Variants in DNAH8 observed in about 807,000 individuals in gnomAD.
DNAH8 encodes axonemal beta dynein heavy chain 8.
DNAH8 carries 382 observed loss-of-function variants against 562.1 expected under a neutral mutation model. The ratio of observed to expected loss-of-function variants is 0.68; its 90% CI spans 0.63 to 0.74. The LOEUF (loss-of-function observed/expected upper bound fraction) is 0.74. Ranked by LOEUF, DNAH8 falls within the 30% of genes least tolerant of loss-of-function variation. DNAH8 has a pLI of 0.00. For synonymous variants in DNAH8, 1,881 were observed against 1,919.4 expected, an observed-to-expected ratio of 0.98 and a Z score of 0.52; for missense variants, 5,203 against 5,620.4, an observed-to-expected ratio of 0.93 and a Z score of 2.37.
chr6:38,984,284 C>A lies in DNAH8; in HGVS notation c.13030C>A (p.Arg4344Ser). The A allele has an allele frequency of 1.2e-6, 2 of 1,606,678 alleles. No individual in the cohort carries two copies. The highest frequency in any genetic ancestry group is 1.7e-6 in the Non-Finnish European group (2 of 1,173,284). Reference sequence around the variant, plus strand: ...CAGAGTGACAGATGACTTTGACAAACGTCTACTTAATTGCTTTGCCAGAGT... The same window carrying A: ...CAGAGTGACAGATGACTTTGACAAAAGTCTACTTAATTGCTTTGCCAGAGT... ...GGRVTDDFDK[R>S]LLNCFARVWF... The change falls in exon 87 of 93, where the codon CGT becomes AGT. Residue 4344 changes from arginine (R) to serine (S), a missense_variant. Arg to Ser is a moderately radical substitution (Grantham distance 110, BLOSUM62 -1). This residue lies in a region of DNAH8 where 1,399 missense variants were observed against 1,518.4 expected (regional missense o/e 0.92). Coordinates refer to ENST00000327475, the MANE Select transcript of DNAH8 (RefSeq NM_001206927.2).
intron 78 of DNAH8, 63 bp downstream of exon 78, chr6:38,938,289 T>C: frequency 6.5e-7 from 1 of 1,540,670 alleles, no homozygotes; most frequent in Non-Finnish European, 8.7e-7. Flanking sequence ...TTTCTACTCT[T>C]TTAGAAATTG....
chr6:38,771,436 G>A (rs1767566730), intron 12 of DNAH8, among the ~76,000 whole-genome samples: 1 of 152,086 alleles, frequency 6.6e-6, no homozygotes, highest in Non-Finnish European at 1.5e-5. Context: ...AACTGTACAA[G>A]TCAATGTTTT....
intron 60 of DNAH8, among the ~76,000 whole-genome samples, chr6:38,897,203 A>T (rs1284132785): frequency 6.6e-6 from 1 of 152,210 alleles, no homozygotes; most frequent in Non-Finnish European, 1.5e-5. Flanking sequence ...AAATAAAAAT[A>T]AGCAAAAGAA....
At position 38,722,910 on chromosome 6, in the gene DNAH8, C is replaced by T. The variant is rs751778628; in HGVS notation, c.101C>T (p.Pro34Leu). ...APPRSEEEEA[P>L]RPPTVEAPAE... ...CCCCGTTCAGAAGAGGAAGAGGCCC[C>T]GCGCCCTCCGACAGTGGAGGCCCCG... is the stretch of plus-strand genomic sequence containing the variant. The change falls in exon 2 of 93, where the codon CCG becomes CTG. Residue 34 changes from proline to leucine, a missense_variant. Physicochemically the swap from Pro to Leu is moderately conservative, Grantham distance 98 (BLOSUM62 -3). Around this residue, in one of 6 missense-constraint regions of DNAH8, gnomAD observed 556 missense variants for 496.9 expected, o/e 1.12. Transcript: ENST00000327475. 3 of 1,612,294 alleles carry T rather than the reference C, an allele frequency of 1.9e-6. No individual in the cohort carries two copies. The highest frequency in any genetic ancestry group is 1.7e-6 in the Non-Finnish European group (2 of 1,179,656).
At chr6:38,735,436 G>T (rs2127579492) in intron 5 of DNAH8, among the ~76,000 whole-genome samples, 1 of 152,214 alleles carries the variant, frequency 6.6e-6, no homozygotes, top group Middle Eastern at 3.4e-3. Context: ...ATATTTCATG[G>T]TATTTCTTGT....
At chr6:38,974,265 C>T in intron 84 of DNAH8, 109 bp from the exon 85 acceptor site, 2 of 878,650 alleles carry the variant, frequency 2.3e-6, no homozygotes, top group Non-Finnish European at 3.4e-6. Flanking sequence ...CAAAACACTT[C>T]CAGTCCCAAG....
chr6:39,005,362 C>G (rs866353885), intron 88 of DNAH8, among the ~76,000 whole-genome samples: 1 of 152,140 alleles, frequency 6.6e-6, no homozygotes, highest in Non-Finnish European at 1.5e-5. Context: ...GCAGCGAGCA[C>G]CACTGTACTC....
chr6:38,888,536 A>G (rs762120345), intron 57 of DNAH8, among the ~76,000 whole-genome samples: 1 of 152,112 alleles, frequency 6.6e-6, no homozygotes, highest in Non-Finnish European at 1.5e-5. Flanking sequence ...CCTATAAATC[A>G]GTCAGTCAAG....
Position 38,949,484 on chromosome 6 carries a change from G to T in DNAH8, c.12162G>T (p.Trp4054Cys). ...GTAATGAGAAGGGGTGGAAAAGCTG[G>T]TTTGATAAAGATGCTCCAGAGGAGG... The part of the protein sequence containing the change: ...ISRNEKGWKS[W>C]FDKDAPEEEI... Residue 4054 changes from tryptophan (W) to cysteine (C), a missense_variant, in exon 81 of 93, where the codon TGG becomes TGT. Coordinates refer to ENST00000327475, the MANE Select transcript of DNAH8 (RefSeq NM_001206927.2). The T allele has an allele frequency of 6.2e-7, 1 of 1,613,168 alleles. No homozygotes were observed. Among genetic ancestry groups the T allele is most frequent in the East Asian group, 2.2e-5 (1 of 44,822 alleles).
chr6:38,769,218 TA>T (rs1408831693), intron 11 of DNAH8, among the ~76,000 whole-genome samples: 1 of 152,204 alleles, frequency 6.6e-6, no homozygotes, highest in Non-Finnish European at 1.5e-5. Context: ...CCAACTCATT[TA>T]AAAAAATTTT....
chr6:38,913,668 A>G (rs1781078356), intron 66 of DNAH8, among the ~76,000 whole-genome samples, 181 bp from the exon 67 acceptor site: 1 of 152,048 alleles, frequency 6.6e-6, no homozygotes, highest in Non-Finnish European at 1.5e-5. Flanking sequence ...TCCTGTTGAA[A>G]CTCAGAAATA....
intron 26 of DNAH8, among the ~76,000 whole-genome samples, chr6:38,818,048 C>A (rs566274327): frequency 1.3e-5 from 2 of 152,112 alleles, no homozygotes; most frequent in South Asian, 4.2e-4. Context: ...TTTATACTTT[C>A]GGGATTTAGA....
At chr6:38,753,385 C>T (rs979689316) in intron 9 of DNAH8, among the ~76,000 whole-genome samples, 2 of 152,078 alleles carry the variant, frequency 1.3e-5, no homozygotes, top group African/African-American at 4.8e-5. Flanking sequence ...TATTACATGT[C>T]ACAAGCATTT....
At chr6:38,817,412 A>G (rs1204547402) in intron 26 of DNAH8, among the ~76,000 whole-genome samples, 1 of 152,218 alleles carries the variant, frequency 6.6e-6, no homozygotes, top group East Asian at 1.9e-4. Flanking sequence ...TCAGACCCCT[A>G]TGGCACCTTT....
At chr6:38,817,958 A>G (rs762677816) in intron 26 of DNAH8, among the ~76,000 whole-genome samples, 1 of 152,192 alleles carries the variant, frequency 6.6e-6, no homozygotes, top group Non-Finnish European at 1.5e-5. Context: ...AATAATTATT[A>G]TTTTAATAAA....
intron 21 of DNAH8, among the ~76,000 whole-genome samples, chr6:38,792,980 C>T (rs149075492): frequency 1.2e-4 from 19 of 152,020 alleles, no homozygotes; most frequent in Middle Eastern, 3.2e-3. Context: ...CAGGGTTTCA[C>T]CATGTTACCC....
Position 38,915,303 on chromosome 6 carries a change from A to G in DNAH8, c.10066A>G (p.Ser3356Gly), listed in dbSNP as rs767941413. The change falls in exon 68 of 93, where the codon AGT becomes GGT. Residue 3356 changes from serine to glycine, a missense_variant. Physicochemically the swap from Ser to Gly is moderately conservative, Grantham distance 56. Transcript: ENST00000327475. ...CCAAAAAATTGTGGATGAAATTGATAGTGAAAAAGTGAAAGCTGAAAGCAA... is the reference window on the plus strand; with the variant it reads ...CCAAAAAATTGTGGATGAAATTGATGGTGAAAAAGTGAAAGCTGAAAGCAA... ...KAQKIVDEID[S>G]EKVKAESKLE... The G allele has an allele frequency of 1.2e-6, 2 of 1,610,578 alleles. No individual in the cohort carries two copies. Among genetic ancestry groups the G allele is most frequent in the East Asian group, 2.2e-5 (1 of 44,594 alleles).
chr6:38,952,474 A>G (rs1469208108), intron 82 of DNAH8, among the ~76,000 whole-genome samples: 1 of 152,216 alleles, frequency 6.6e-6, no homozygotes, highest in African/African-American at 2.4e-5. Flanking sequence ...ATCTGTAACT[A>G]TACCTTGTAG....
rs185805445 is a variant in DNAH8, at chr6:38,816,105, A to C, written c.3523+448A>C. On this transcript the variant is annotated intron_variant, in intron 26 of 92. Transcript: ENST00000327475. ...TTATTTTATTTTAGTTCTAGGGTAC[A>C]TGTGCAGGATGTGTAGGTTTGTTAC... Among the ~76,000 whole-genome samples the C allele has an allele frequency of 1.9e-3, 283 of 151,812 alleles. 1 individual carries two copies. The highest frequency in any genetic ancestry group is 3.4e-3 in the Non-Finnish European group (231 of 67,930).
Sources: gnomAD v4.1 joint callset for allele counts (sites outside exome capture counted in the v4.1 genomes callset) on GRCh38, gnomAD v4.1.1 for gene constraint, gnomAD v4.1.1 regional missense constraint, MANE v1.5 for transcripts, NCBI Gene and HGNC (gene_info 2026-07-23, HGNC 2026-07-21) for gene names.